WWOX: variants seen among roughly 807,000 people sequenced by gnomAD.
WWOX encodes the protein WW domain containing oxidoreductase, also known as WW domain-containing oxidoreductase.
A neutral mutation model predicts 46.2 loss-of-function variants in WWOX; 69 were observed. The observed-to-expected ratio is 1.49, with a 90% CI of 1.23 to 1.82. WWOX has a LOEUF of 1.82. Among genes scored for constraint, WWOX ranks in the 40% most tolerant of loss-of-function variants. The pLI is 0.00. For synonymous variants in WWOX, 359 were observed against 202.6 expected (o/e 1.77, Z -6.56); for missense variants, 919 against 542.6 (o/e 1.69, Z -6.89).
intron 8 of WWOX, among the ~76,000 whole-genome samples, chr16:78,912,134 A>T (rs1394754608): frequency 6.6e-6 from 1 of 151,944 alleles, no homozygotes; most frequent in Non-Finnish European, 1.5e-5. Flanking sequence ...CCTCATGTAT[A>T]AAGTGGAGAT....
intron 8 of WWOX, among the ~76,000 whole-genome samples, chr16:78,457,614 A>G (rs577920432): frequency 1.6e-4 from 25 of 152,196 alleles, no homozygotes; most frequent in African/African-American, 4.3e-4. Context: ...GAGGACGCAC[A>G]TGAAAATAAC....
At chr16:78,323,756 G>T (rs1261092397) in intron 5 of WWOX, among the ~76,000 whole-genome samples, 2 of 152,196 alleles carry the variant, frequency 1.3e-5, no homozygotes, top group Non-Finnish European at 2.9e-5. Flanking sequence ...AAGATTGCAT[G>T]TTCCTGGCTC....
chr16:78,564,932 T>C (rs2044528756), intron 8 of WWOX, among the ~76,000 whole-genome samples: 1 of 152,218 alleles, frequency 6.6e-6, no homozygotes, highest in African/African-American at 2.4e-5. Flanking sequence ...CCATGCCATC[T>C]GAAATCCTCC....
intron 8 of WWOX, among the ~76,000 whole-genome samples, chr16:78,490,672 A>G (rs1567603227): frequency 6.6e-6 from 1 of 152,172 alleles, no homozygotes; most frequent in Non-Finnish European, 1.5e-5. Flanking sequence ...ACCCACGTGA[A>G]TGTTGAACCA....
intron 8 of WWOX, among the ~76,000 whole-genome samples, chr16:78,869,225 T>A (rs2044073053): frequency 6.6e-6 from 1 of 152,154 alleles, no homozygotes; most frequent in Admixed American, 6.6e-5. Flanking sequence ...GGTCCAAGCC[T>A]CCCTGAAGCA....
intron 8 of WWOX, among the ~76,000 whole-genome samples, chr16:78,932,668 C>G (rs2045649221): frequency 6.6e-6 from 1 of 152,204 alleles, no homozygotes; most frequent in South Asian, 2.1e-4. Context: ...GTGAATTCCC[C>G]CCATGGGAGG....
rs778548550 is a variant in WWOX, at chr16:78,863,047, C to G, written c.1057-348561C>G. Among the ~76,000 whole-genome samples the G allele has an allele frequency of 1.0e-3, 156 of 151,494 alleles. 2 individuals are homozygous for G. The highest frequency in any genetic ancestry group is 3.5e-4 in the Non-Finnish European group (24 of 67,936). On this transcript the variant is annotated intron_variant, in intron 8 of 8. Coordinates refer to ENST00000566780, the MANE Select transcript of WWOX (RefSeq NM_016373.4). The stretch of plus-strand genomic sequence containing the variant: ...AACCTTGGCTCACCACAACCTCTGC[C>G]TCCCAGGTTCAAGCGATTCTCCTGC...
intron 8 of WWOX, among the ~76,000 whole-genome samples, chr16:78,659,031 G>T (rs1294303312): frequency 2.0e-5 from 3 of 150,690 alleles, no homozygotes; most frequent in East Asian, 3.9e-4. Flanking sequence ...GGCAGAGGTT[G>T]CAGTGAGCCG....
intron 8 of WWOX, among the ~76,000 whole-genome samples, chr16:79,103,641 C>T (rs548117924): frequency 7.9e-5 from 12 of 152,240 alleles, no homozygotes; most frequent in South Asian, 2.1e-4. Context: ...CTTAACAAAT[C>T]CAGTAACATT....
chr16:78,548,105 A>G (rs1312100737), intron 8 of WWOX, among the ~76,000 whole-genome samples: 11 of 146,632 alleles, frequency 7.5e-5, no homozygotes, highest in Admixed American at 5.0e-4. Context: ...CAGTGAGCTG[A>G]GATCACACCA....
In WWOX at chr16:78,330,746, C is replaced by A. The variant is rs190655163; in HGVS notation, c.517-56114C>A. Among the ~76,000 whole-genome samples the A allele has an allele frequency of 8.5e-5, 13 of 152,328 alleles. No homozygotes were observed. The East Asian group carries it at 2.5e-3, about 29-fold the overall frequency. On this transcript the variant is annotated intron_variant, in intron 5 of 8. Transcript: ENST00000566780. ...TGTGGGTGTATTTTTCTGAACATGT[C>A]AGTGAAGTTTAAATATTCATCTCAC...
rs56803717 is a variant in WWOX, at chr16:78,528,165, ATTTTTTTTT to A, written c.1056+95427_1056+95435del. Among the ~76,000 whole-genome samples, 32 of 58,400 alleles carry A rather than the reference ATTTTTTTTT, an allele frequency of 5.5e-4. 1 individual carries two copies. Among genetic ancestry groups the A allele is most frequent in the African/African-American group, 2.3e-3 (28 of 11,962 alleles). The allele number at this position is 58,400 out of a possible 152,430, so 38.3% of individuals were successfully genotyped here. A position where few individuals can be genotyped will look rare whatever the true frequency, so the allele number is the denominator to read the frequency against. ...AGGTGCCCGCCACCACACCTGGCTA[ATTTTTTTTT>A]TTTTTTTTTTTTTGCATTTTTAGTC... On this transcript the variant is annotated intron_variant, in intron 8 of 8. Transcript: ENST00000566780.
intron 5 of WWOX, among the ~76,000 whole-genome samples, chr16:78,182,360 C>CT (rs1240053855): frequency 6.6e-6 from 1 of 152,082 alleles, no homozygotes; most frequent in African/African-American, 2.4e-5. Context: ...TCTGGCCATT[C>CT]TCTTTCTTGT....
At chr16:78,566,485 C>T (rs529609278) in intron 8 of WWOX, among the ~76,000 whole-genome samples, 11 of 152,256 alleles carry the variant, frequency 7.2e-5, no homozygotes, top group Admixed American at 6.5e-4. Flanking sequence ...CCCTGATTGT[C>T]GCTGGCCTTG....
chr16:78,427,898 T>G (rs1436493579), intron 7 of WWOX, among the ~76,000 whole-genome samples: 5 of 152,166 alleles, frequency 3.3e-5, no homozygotes, highest in Admixed American at 3.3e-4. Flanking sequence ...CGAAACCCCA[T>G]CTCTACTAAA....
chr16:78,228,415 C>T (rs1180984824), intron 5 of WWOX, among the ~76,000 whole-genome samples: 1 of 145,580 alleles, frequency 6.9e-6, no homozygotes, highest in Non-Finnish European at 1.5e-5. Context: ...GATCTCAGCT[C>T]ACTGCAGCCT....
intron 8 of WWOX, among the ~76,000 whole-genome samples, chr16:78,788,178 T>A (rs928731909): frequency 1.3e-5 from 2 of 152,228 alleles, no homozygotes; most frequent in African/African-American, 4.8e-5. Context: ...TTTTGGATGT[T>A]GTTGCTTCTG....
chr16:78,448,325 C>T (rs1269760304), intron 8 of WWOX, among the ~76,000 whole-genome samples: 3 of 152,196 alleles, frequency 2.0e-5, no homozygotes, highest in African/African-American at 7.2e-5. Flanking sequence ...TTATCTATCA[C>T]TGCATAACAA....
intron 8 of WWOX, among the ~76,000 whole-genome samples, chr16:79,053,773 T>G (rs2048212560): frequency 6.6e-6 from 1 of 152,124 alleles, no homozygotes; most frequent in South Asian, 2.1e-4. Flanking sequence ...GTTATGCAAA[T>G]GAAAACCATT....
Sources: gnomAD v4.1 joint callset for allele counts (sites outside exome capture counted in the v4.1 genomes callset) on GRCh38, gnomAD v4.1.1 for gene constraint, MANE v1.5 for transcripts, NCBI Gene and HGNC (gene_info 2026-07-23, HGNC 2026-07-21) for gene names.